Variants in ANKS6 observed in about 807,000 individuals in gnomAD.
ANKS6 encodes the protein ankyrin repeat and SAM domain-containing protein 6.
ANKS6 carries 47 observed loss-of-function variants against 77.9 expected under a neutral mutation model. The ratio of observed to expected loss-of-function variants is 0.60; its 90% CI spans 0.48 to 0.77. ANKS6 has a LOEUF of 0.77. Among genes scored for constraint, ANKS6 ranks in the 30% least tolerant of loss-of-function variants. The probability of loss-of-function intolerance (pLI) is 0.00; values close to 1 mark genes in which losing one functional copy is unlikely to be tolerated. For synonymous variants in ANKS6, 488 were observed against 501.7 expected, an observed-to-expected ratio of 0.97 and a Z score of 0.37; for missense variants, 1,150 against 1,159.1, an observed-to-expected ratio of 0.99 and a Z score of 0.11.
At chr9:98,789,903 C>T in intron 2 of ANKS6, 3 of 684,918 alleles carry the variant, frequency 4.4e-6, no homozygotes, top group Non-Finnish European at 6.5e-6. Context: ...GCTACCAAAT[C>T]ACTCTGCAGA....
At chr9:98,792,259 T>C (rs567144862) in intron 1 of ANKS6, among the ~76,000 whole-genome samples, 9 of 152,178 alleles carry the variant, frequency 5.9e-5, no homozygotes, top group Non-Finnish European at 1.3e-4. Context: ...TCACCCACTC[T>C]GAGCAGCTTC....
At chr9:98,783,060 T>C (rs1834362930) in intron 4 of ANKS6, among the ~76,000 whole-genome samples, 1 of 139,776 alleles carries the variant, frequency 7.2e-6, no homozygotes, top group South Asian at 2.2e-4. Context: ...CACTCCAGTC[T>C]GGCAACAAAG....
rs543084005 is a variant in ANKS6 at position 98,781,005 on chromosome 9, G to A, written c.1220-668C>T. The stretch of plus-strand genomic sequence containing the variant: ...CAACCTCCACCTCCTAGGTTCAAGC[G>A]GTTCTTTGCCTCAGCCTCCCATGTA... On this transcript the variant is annotated intron_variant, in intron 5 of 14. Transcript: ENST00000353234. 1.2e-4 allele frequency among the ~76,000 whole-genome samples: 18 copies of A among 151,622 alleles called. No individual in the cohort carries two copies. The East Asian group carries it at 2.5e-3, about 21-fold the overall frequency.
At chr9:98,780,612 C>T (rs570898948) in intron 5 of ANKS6, among the ~76,000 whole-genome samples, 1 of 152,332 alleles carries the variant, frequency 6.6e-6, no homozygotes, top group South Asian at 2.1e-4. Context: ...GGCTTCACAG[C>T]CAGGCTGCAG....
At chr9:98,744,250 T>C (rs911792746) in intron 14 of ANKS6, among the ~76,000 whole-genome samples, 2 of 152,216 alleles carry the variant, frequency 1.3e-5, no homozygotes. Flanking sequence ...GATCACCTTA[T>C]AGCCTTCAGG....
intron 11 of ANKS6, among the ~76,000 whole-genome samples, chr9:98,764,455 C>T (rs1219895629): frequency 6.6e-6 from 1 of 152,124 alleles, no homozygotes; most frequent in Non-Finnish European, 1.5e-5. Flanking sequence ...TTTACATATT[C>T]CTTCTGCCCC....
chr9:98,758,015 C>T (rs118051571), intron 11 of ANKS6, among the ~76,000 whole-genome samples: 526 of 152,270 alleles, frequency 3.5e-3, no homozygotes, highest in Non-Finnish European at 6.3e-3. Context: ...TAAGGTTCTG[C>T]CCATTAACTT....
chr9:98,758,258 T>C (rs1165829172), intron 11 of ANKS6, among the ~76,000 whole-genome samples: 3 of 152,012 alleles, frequency 2.0e-5, no homozygotes, highest in Non-Finnish European at 4.4e-5. Context: ...AGCTCATTAT[T>C]ACAGCTTTGG....
Position 98,790,435 on chromosome 9 carries a change from GC to G in ANKS6, c.530del (p.Gly177AlafsTer19), listed in dbSNP as rs1564228944. The G allele has an allele frequency of 6.2e-7, 1 of 1,613,722 alleles. No homozygotes were observed. ...TGCTGCCGCCCAACCCCAGTTGCTCGCCTGAAGGGTGGTGATGGTCCACAAA... is the reference window on the plus strand; with the variant it reads ...TGCTGCCGCCCAACCCCAGTTGCTCGCTGAAGGGTGGTGATGGTCCACAAA... Reference protein sequence around the residue: ...GAFVDHHHPSGEQLGLGGSRD... With the variant: ...GAFVDHHHPSXEQLGLGGSRD... On this transcript the variant is annotated frameshift_variant, in exon 2 of 15. Transcript: ENST00000353234. LOFTEE classifies it high-confidence loss of function.
intron 12 of ANKS6, among the ~76,000 whole-genome samples, chr9:98,754,301 G>A (rs1037382056): frequency 5.3e-5 from 8 of 152,154 alleles, no homozygotes; most frequent in African/African-American, 1.2e-4. Context: ...AAAAGCTCAC[G>A]TGTCCTTGAC....
chr9:98,742,017 G>A (rs1289662631), intron 14 of ANKS6, among the ~76,000 whole-genome samples: 1 of 152,088 alleles, frequency 6.6e-6, no homozygotes, highest in South Asian at 2.1e-4. Context: ...TTTCTAAAAC[G>A]TGCTGCTCAT....
At chr9:98,779,643 A>G (rs2118095456) in intron 6 of ANKS6, among the ~76,000 whole-genome samples, 1 of 151,812 alleles carries the variant, frequency 6.6e-6, no homozygotes, top group South Asian at 2.1e-4. Flanking sequence ...GCTCACTGCA[A>G]CCACAGCCTA....
At chr9:98,744,673 C>T (rs1277023931) in intron 14 of ANKS6, among the ~76,000 whole-genome samples, 1 of 152,004 alleles carries the variant, frequency 6.6e-6, no homozygotes, top group Non-Finnish European at 1.5e-5. Flanking sequence ...GATATCTCCA[C>T]ATATCGTGGA....
intron 11 of ANKS6, among the ~76,000 whole-genome samples, chr9:98,765,915 C>T (rs1251592985): frequency 1.3e-5 from 2 of 152,184 alleles, no homozygotes; most frequent in Non-Finnish European, 2.9e-5. Context: ...TTTGAAAAAG[C>T]ACTTCATGTC....
At chr9:98,786,861 C>T (rs977053610) in intron 2 of ANKS6, among the ~76,000 whole-genome samples, 5 of 152,140 alleles carry the variant, frequency 3.3e-5, no homozygotes, top group African/African-American at 9.7e-5. Context: ...GAGCCTGGCC[C>T]CAAGAGGCAG....
At chr9:98,739,290 AACAACG>A (rs1189446486) in intron 14 of ANKS6, among the ~76,000 whole-genome samples, 1 of 152,174 alleles carries the variant, frequency 6.6e-6, no homozygotes, top group Non-Finnish European at 1.5e-5. Context: ...TAAAAACAAC[AACAACG>A]ACAACAACAA....
intron 8 of ANKS6, 40 bp from the exon 9 acceptor site, chr9:98,774,120 G>C: frequency 4.3e-6 from 6 of 1,405,212 alleles, no homozygotes; most frequent in Non-Finnish European, 5.6e-6. Flanking sequence ...GCCCCCAGGA[G>C]GGCTCCCAAC....
chr9:98,774,685 C>A (rs180784267), intron 8 of ANKS6, among the ~76,000 whole-genome samples: 6 of 152,314 alleles, frequency 3.9e-5, no homozygotes, highest in Admixed American at 3.9e-4. Flanking sequence ...TCCAGCCACG[C>A]CTCCTGCTGC....
rs773217956 is a variant in ANKS6 at position 98,734,343 on chromosome 9, G to C, written c.*2176C>G. ...TACATTTGTGAAAAGGTGACCCCCC[G>C]GTGCAGCTGTGTATCATTGTTCAAT... On this transcript the variant is annotated 3_prime_UTR_variant, in exon 15 of 15. Transcript: ENST00000353234. 30 of 985,414 alleles carry C rather than the reference G, an allele frequency of 3.0e-5. No individual in the cohort carries two copies. Among genetic ancestry groups the C allele is most frequent in the Non-Finnish European group, 3.4e-5 (28 of 829,962 alleles). The allele number at this position is 985,414 out of a possible 1,614,324, so 61.0% of individuals were successfully genotyped here.
Sources: allele counts gnomAD v4.1 joint callset (sites outside exome capture counted in the v4.1 genomes callset), GRCh38; gene constraint gnomAD v4.1.1; transcripts MANE v1.5; gene names NCBI Gene and HGNC (gene_info 2026-07-23, HGNC 2026-07-21).